DGKH: variants seen among roughly 807,000 people sequenced by gnomAD.
DGKH encodes the protein diacylglycerol kinase eta.
A neutral mutation model predicts 159.3 loss-of-function variants in DGKH; 90 were observed. The ratio of observed to expected loss-of-function variants is 0.57; its 90% CI spans 0.48 to 0.67. The LOEUF (loss-of-function observed/expected upper bound fraction) is 0.67. Among genes scored for constraint, DGKH ranks in the 30% least tolerant of loss-of-function variants. The pLI, the probability that DGKH is intolerant of heterozygous loss-of-function variation, is 0.00. For missense variants in DGKH, 1,181 were observed against 1,506.1 expected (o/e 0.78, Z 3.57); for synonymous variants, 536 against 553.8 (o/e 0.97, Z 0.45).
intron 1 of DGKH, among the ~76,000 whole-genome samples, chr13:42,099,425 G>A (rs1455386528): frequency 6.6e-6 from 1 of 152,072 alleles, no homozygotes; most frequent in African/African-American, 2.4e-5. Context: ...AAAAATGTGG[G>A]GTGTGCTAGG....
intron 14 of DGKH, among the ~76,000 whole-genome samples, chr13:42,188,025 A>G (rs1375363641): frequency 3.3e-5 from 5 of 151,864 alleles, no homozygotes; most frequent in Admixed American, 2.0e-4. Flanking sequence ...AACTTCCCCA[A>G]ATCCATGTTG....
chr13:42,177,167 G>A (rs760058321), intron 12 of DGKH, among the ~76,000 whole-genome samples: 38 of 151,974 alleles, frequency 2.5e-4, no homozygotes, highest in Non-Finnish European at 2.6e-4. Flanking sequence ...TATCCCATAA[G>A]CCCCCTCATG....
intron 3 of DGKH, among the ~76,000 whole-genome samples, chr13:42,146,681 T>C (rs564043804): frequency 6.6e-6 from 1 of 152,350 alleles, no homozygotes; most frequent in African/African-American, 2.4e-5. Context: ...TGTAAGATGT[T>C]ACTCTGTGTG....
intron 1 of DGKH, among the ~76,000 whole-genome samples, chr13:42,100,600 AT>A (rs1001516747): frequency 6.6e-6 from 1 of 151,938 alleles, no homozygotes; most frequent in Non-Finnish European, 1.5e-5. Context: ...TTTTAAAACA[AT>A]TTTTTTTATT....
chr13:42,152,450 T>C (rs532746476), intron 3 of DGKH, among the ~76,000 whole-genome samples: 1 of 148,948 alleles, frequency 6.7e-6, no homozygotes, highest in African/African-American at 2.4e-5. Context: ...TATATATACA[T>C]ACACACACAT....
Position 42,063,795 on chromosome 13 carries a change from C to T in DGKH, c.192+14830C>T, listed in dbSNP as rs182132229. 3.9e-5 allele frequency among the ~76,000 whole-genome samples: 6 copies of T among 152,042 alleles called. No individual in the cohort carries two copies. The East Asian group carries it at 5.8e-4, about 15-fold the overall frequency. The stretch of plus-strand genomic sequence containing the variant: ...TCTCTATTAAAAATACAAAATTAGC[C>T]GGGCTTGTTGGCGCATGCATGTAAT... On this transcript the variant is annotated intron_variant, in intron 1 of 29. Transcript: ENST00000337343.
intron 30 of DGKH, among the ~76,000 whole-genome samples, chr13:42,253,735 AC>A (rs2138341020): frequency 6.6e-6 from 1 of 152,312 alleles, no homozygotes; most frequent in East Asian, 1.9e-4. Flanking sequence ...GATAAGCTTA[AC>A]TTTCTAGGTT....
intron 3 of DGKH, among the ~76,000 whole-genome samples, chr13:42,132,104 C>T (rs1955301555): frequency 1.3e-5 from 2 of 152,092 alleles, no homozygotes; most frequent in African/African-American, 2.4e-5. Flanking sequence ...ATAAGGTTTT[C>T]CCCCAATCAA....
intron 7 of DGKH, among the ~76,000 whole-genome samples, chr13:42,162,938 TGC>T (rs1956223395): frequency 6.6e-6 from 1 of 151,744 alleles, no homozygotes. Flanking sequence ...GGTATACATG[TGC>T]CATGCTAGTG....
intron 1 of DGKH, among the ~76,000 whole-genome samples, chr13:42,126,977 A>G (rs192379957): frequency 6.6e-6 from 1 of 152,342 alleles, no homozygotes; most frequent in Admixed American, 6.5e-5. Context: ...ATTTCTCACA[A>G]CAACCCTATA....
chr13:42,107,234 G>A (rs1181068443), intron 1 of DGKH, among the ~76,000 whole-genome samples: 2 of 152,240 alleles, frequency 1.3e-5, no homozygotes, highest in East Asian at 3.8e-4. Context: ...AAGGTCCAGG[G>A]CGGGGGTGTG....
chr13:42,078,694 C>T (rs1954143245), intron 1 of DGKH, among the ~76,000 whole-genome samples: 1 of 152,038 alleles, frequency 6.6e-6, no homozygotes, highest in South Asian at 2.1e-4. Flanking sequence ...CTAAAAAAAC[C>T]TTGAAATTCC....
chr13:42,148,878 TCTTCCCCGC>T (rs1246708659), intron 3 of DGKH, among the ~76,000 whole-genome samples: 4 of 151,874 alleles, frequency 2.6e-5, no homozygotes, highest in Non-Finnish European at 5.9e-5. Flanking sequence ...CCTTGTGGCT[TCTTCCCCGC>T]CGACATACAC....
chr13:42,076,227 T>A (rs1005418160), intron 1 of DGKH, among the ~76,000 whole-genome samples: 3 of 152,208 alleles, frequency 2.0e-5, no homozygotes, highest in Non-Finnish European at 4.4e-5. Context: ...TCTCATGTTG[T>A]TTGCAGCCTG....
chr13:42,225,371 T>C lies in DGKH; in HGVS notation c.3574-3728T>C, dbSNP rs536714809. 6.1e-4 allele frequency: 944 copies of C among 1,548,334 alleles called. 2 individuals are homozygous for C. Among genetic ancestry groups the C allele is most frequent in the Non-Finnish European group, 7.9e-4 (907 of 1,154,594 alleles). On this transcript the variant is annotated intron_variant, in intron 29 of 29. Coordinates refer to ENST00000337343, the MANE Select transcript of DGKH (RefSeq NM_178009.5). ...TTTTTGTTTAGTTTATTTTTTGTTT[T>C]TTCTATTTGGAAAGTTGTGTATGTA...
intron 1 of DGKH, among the ~76,000 whole-genome samples, chr13:42,110,137 T>C (rs946756877): frequency 3.9e-5 from 6 of 152,196 alleles, no homozygotes; most frequent in African/African-American, 1.2e-4. Flanking sequence ...GCAGATCTTT[T>C]GCGTGAAATG....
intron 1 of DGKH, among the ~76,000 whole-genome samples, chr13:42,116,440 T>C (rs867971305): frequency 2.6e-5 from 4 of 152,210 alleles, no homozygotes; most frequent in South Asian, 2.1e-4. Flanking sequence ...TGCTGGGACA[T>C]GACTGGTAGA....
intron 1 of DGKH, among the ~76,000 whole-genome samples, chr13:42,099,402 A>G (rs1954610604): frequency 6.6e-6 from 1 of 152,178 alleles, no homozygotes; most frequent in Non-Finnish European, 1.5e-5. Flanking sequence ...CAGTGGACAC[A>G]GAAAATTTCC....
At chr13:42,188,945 T>C (rs1173829938) in intron 14 of DGKH, 91 bp from the exon 15 acceptor site, 2 of 1,443,796 alleles carry the variant, frequency 1.4e-6, no homozygotes, top group African/African-American at 1.4e-5. Flanking sequence ...TGATTAAACT[T>C]TCAAAACATC....
Sources: allele counts gnomAD v4.1 joint callset (sites outside exome capture counted in the v4.1 genomes callset), GRCh38; gene constraint gnomAD v4.1.1; transcripts MANE v1.5; gene names NCBI Gene and HGNC (gene_info 2026-07-23, HGNC 2026-07-21).